The following PTPRD variants were observed in gnomAD, a reference collection of about 807,000 sequenced individuals.
PTPRD encodes protein tyrosine phosphatase receptor type D.
In PTPRD, 34 loss-of-function variants were observed where a neutral mutation model predicts 214.5. The observed-to-expected ratio is 0.16, with a 90% CI of 0.12 to 0.21. PTPRD has a LOEUF of 0.21. PTPRD is among the 10% of genes least tolerant of loss of function. PTPRD has a pLI of 1.00. For synonymous variants in PTPRD, 1,128 were observed against 845.7 expected (o/e 1.33, Z -5.79); for missense variants, 2,545 against 2,398.7 (o/e 1.06, Z -1.27).
chr9:9,878,875 T>G (rs2067716029), intron 5 of PTPRD, among the ~76,000 whole-genome samples: 1 of 152,142 alleles, frequency 6.6e-6, no homozygotes. Context: ...CCTTCCTCCT[T>G]CCCTCCACAA....
intron 3 of PTPRD, among the ~76,000 whole-genome samples, chr9:10,045,501 G>A (rs1450805632): frequency 6.6e-6 from 1 of 151,534 alleles, no homozygotes; most frequent in African/African-American, 2.4e-5. Flanking sequence ...GACCTCAGAA[G>A]TATCCATCTA....
intron 3 of PTPRD, among the ~76,000 whole-genome samples, chr9:10,228,245 C>T (rs1284831077): frequency 6.6e-6 from 1 of 151,966 alleles, no homozygotes; most frequent in Non-Finnish European, 1.5e-5. Context: ...GGGCTTATTT[C>T]CAACATTGAA....
intron 35 of PTPRD, among the ~76,000 whole-genome samples, chr9:8,418,440 C>A (rs2094113983): frequency 6.6e-6 from 1 of 152,048 alleles, no homozygotes; most frequent in Non-Finnish European, 1.5e-5. Context: ...CATAACTTAT[C>A]TTTTCATTTG....
chr9:9,695,129 C>T (rs747625195), intron 7 of PTPRD, among the ~76,000 whole-genome samples: 3 of 152,138 alleles, frequency 2.0e-5, no homozygotes, highest in Non-Finnish European at 2.9e-5. Context: ...CTCTGGGTAT[C>T]GCTGGTGGTT....
intron 7 of PTPRD, among the ~76,000 whole-genome samples, chr9:9,595,303 T>TATATATTATATATATTTTATATATATA (rs2093209330): frequency 1.4e-5 from 1 of 69,900 alleles, no homozygotes; most frequent in South Asian, 3.0e-4. Flanking sequence ...TATATATATA[T>TATATATTATATATATTTTATATATATA]ATATATATTA....
chr9:9,155,526 A>T (rs1364586040), intron 10 of PTPRD, among the ~76,000 whole-genome samples: 4 of 152,152 alleles, frequency 2.6e-5, no homozygotes, highest in African/African-American at 9.7e-5. Context: ...TGAGAAATCA[A>T]CCTGGAGTCA....
intron 11 of PTPRD, among the ~76,000 whole-genome samples, chr9:8,812,221 T>C (rs957943218): frequency 1.3e-5 from 2 of 152,216 alleles, no homozygotes; most frequent in African/African-American, 4.8e-5. Context: ...ACCAAGCTGC[T>C]ACATTATTTC....
intron 11 of PTPRD, among the ~76,000 whole-genome samples, chr9:8,978,291 TCTG>T (rs1449582552): frequency 6.6e-6 from 1 of 152,112 alleles, no homozygotes; most frequent in Non-Finnish European, 1.5e-5. Context: ...CAACTTACTT[TCTG>T]CTGGCATTAT....
chr9:10,564,171 C>CTTTTTTTTTTT (rs71332760), intron 2 of PTPRD, among the ~76,000 whole-genome samples: 442 of 29,396 alleles, frequency 0.015, 140 homozygotes, highest in Middle Eastern at 0.1. Flanking sequence ...CTAGGCTATT[C>CTTTTTTTTTTT]TTTTTTTTTT....
At chr9:10,352,509 G>A (rs2097200304) in intron 2 of PTPRD, among the ~76,000 whole-genome samples, 1 of 151,994 alleles carries the variant, frequency 6.6e-6, no homozygotes, top group Admixed American at 6.6e-5. Flanking sequence ...AGCAGTTGAG[G>A]TCTTGCATAT....
At chr9:10,571,661 C>T (rs1249507218) in intron 2 of PTPRD, among the ~76,000 whole-genome samples, 1 of 151,958 alleles carries the variant, frequency 6.6e-6, no homozygotes, top group African/African-American at 2.4e-5. Context: ...AACAGTGGTC[C>T]CCAAACCGTT....
At position 9,961,494 on chromosome 9, in the gene PTPRD, A is replaced by G. The variant is rs144171086; in HGVS notation, c.-471-22884T>C. 1.6e-3 allele frequency among the ~76,000 whole-genome samples: 239 copies of G among 152,286 alleles called. 2 individuals carry two copies. In the Middle Eastern group the frequency reaches 0.017, roughly 11 times the overall value. On this transcript the variant is annotated intron_variant, in intron 4 of 45. Transcript: ENST00000381196. ...GCCCACAAGGTTGAAAGTTCCCAGG[A>G]GCATTAGTAAAAATTCATTCAAGGA...
chr9:9,410,494 C>T (rs1220545422), intron 8 of PTPRD, among the ~76,000 whole-genome samples: 1 of 152,112 alleles, frequency 6.6e-6, no homozygotes, highest in Non-Finnish European at 1.5e-5. Flanking sequence ...AAGCATTCCC[C>T]ATTGGGAAGA....
chr9:9,028,129 T>C (rs1267983158), intron 10 of PTPRD, among the ~76,000 whole-genome samples: 1 of 151,942 alleles, frequency 6.6e-6, no homozygotes, highest in Admixed American at 6.6e-5. Context: ...AACCTCCCTA[T>C]CACAAACTGA....
At chr9:10,266,241 C>T (rs1006052473) in intron 3 of PTPRD, among the ~76,000 whole-genome samples, 1 of 150,900 alleles carries the variant, frequency 6.6e-6, no homozygotes, top group Non-Finnish European at 1.5e-5. Flanking sequence ...ATAAACCAAG[C>T]AATGTAAGGA....
chr9:9,968,866 A>G (rs879681990), intron 4 of PTPRD, among the ~76,000 whole-genome samples: 15 of 152,182 alleles, frequency 9.9e-5, no homozygotes, highest in Non-Finnish European at 1.9e-4. Context: ...AGAACTAAGG[A>G]TGTGATAACT....
chr9:10,145,084 G>A (rs1178888210), intron 3 of PTPRD, among the ~76,000 whole-genome samples: 5 of 151,856 alleles, frequency 3.3e-5, no homozygotes, highest in East Asian at 1.9e-4. Context: ...ATCCCCCCAC[G>A]AAAATATCTA....
intron 3 of PTPRD, among the ~76,000 whole-genome samples, chr9:10,206,115 A>T (rs2099475282): frequency 6.6e-6 from 1 of 152,112 alleles, no homozygotes; most frequent in African/African-American, 2.4e-5. Context: ...TATCTCAAAA[A>T]AAAAAAAAAT....
intron 11 of PTPRD, among the ~76,000 whole-genome samples, chr9:8,801,233 C>A (rs2154518217): frequency 6.6e-6 from 1 of 152,278 alleles, no homozygotes; most frequent in Middle Eastern, 3.4e-3. Context: ...TATTGACTCA[C>A]ATAGTAATTA....
Sources: gnomAD v4.1 joint callset for allele counts (sites outside exome capture counted in the v4.1 genomes callset) on GRCh38, gnomAD v4.1.1 for gene constraint, MANE v1.5 for transcripts, NCBI Gene and HGNC (gene_info 2026-07-23, HGNC 2026-07-21) for gene names.